The following MAN2C1 variants were observed in gnomAD, a reference collection of about 807,000 sequenced individuals.
The protein encoded by MAN2C1 is alpha-mannosidase 2C1.
In MAN2C1, 111 loss-of-function variants were observed where a neutral mutation model predicts 126.9. The observed-to-expected ratio is 0.87, with a 90% CI of 0.75 to 1.02. The LOEUF is 1.02. Ranked by LOEUF, MAN2C1 falls within the 50% of genes least tolerant of loss-of-function variation. The pLI is 0.00. For synonymous variants in MAN2C1, 567 were observed against 561.5 expected, an observed-to-expected ratio of 1.01 and a Z score of -0.14; for missense variants, 1,363 against 1,364.4, an observed-to-expected ratio of 1.00 and a Z score of 0.02.
At chr15:75,363,864 C>T (rs574737475) in intron 6 of MAN2C1, 135 bp downstream of exon 6, 16 of 955,088 alleles carry the variant, frequency 1.7e-5, no homozygotes, top group African/African-American at 3.3e-5. Context: ...CCCCCGGCCC[C>T]GTTTTACAGA....
In MAN2C1 at chr15:75,361,481, C is replaced by A. The variant is rs2141333067; in HGVS notation, c.1219-100G>T. ...GGTCCTGCCCCTGCCTGCTATGTGA[C>A]CCTGGCAGAGGCAGAGTGAGGGTTT... is the stretch of plus-strand genomic sequence containing the variant. On this transcript the variant is annotated intron_variant, in intron 10 of 25. Coordinates refer to ENST00000267978, the MANE Select transcript of MAN2C1 (RefSeq NM_006715.4). This position sits in a 1 kb window ranked among gnomAD's most constrained non-coding sequence, Gnocchi z 5.0. 1 of 1,271,468 alleles carries A rather than the reference C, an allele frequency of 7.9e-7. No individual in the cohort carries two copies. The highest frequency in any genetic ancestry group is 1.1e-6 in the Non-Finnish European group (1 of 872,076). 78.8% of individuals were successfully genotyped at this position (1,271,468 alleles called of 1,614,324 possible).
chr15:75,356,896 C>A lies in MAN2C1; in HGVS notation c.2554G>T (p.Ala852Ser). The A allele has an allele frequency of 6.2e-7, 1 of 1,613,848 alleles. No homozygotes were observed. Among genetic ancestry groups the A allele is most frequent in the African/African-American group, 1.3e-5 (1 of 75,066 alleles). The change falls in exon 22 of 26, where the codon GCC becomes TCC. Residue 852 changes from alanine (A) to serine (S), a missense_variant. Around this residue, in one of 3 missense-constraint regions of MAN2C1, gnomAD observed 668 missense variants for 650.1 expected, o/e 1.03. Transcript: ENST00000267978. The surrounding 1 kb of genome is among the most constrained non-coding windows in gnomAD (Gnocchi z 5.8). ...SWDWARFEVW[A>S]HRWMDLSEHG... Reference sequence around the variant, plus strand: ...TCTGACAGATCCATCCAGCGATGGGCCCACACCTGGAGGGCAGATCCAAGA... The same window carrying A: ...TCTGACAGATCCATCCAGCGATGGGACCACACCTGGAGGGCAGATCCAAGA...
At chr15:75,363,943 C>T in intron 6 of MAN2C1, 56 bp downstream of exon 6, 2 of 1,586,322 alleles carry the variant, frequency 1.3e-6, no homozygotes, top group Non-Finnish European at 8.6e-7. Context: ...AGGGCACATC[C>T]AGGTCTTCAA....
Position 75,361,044 on chromosome 15 carries a change from A to C in MAN2C1, c.1460+2T>G, listed in dbSNP as rs1595876881. The C allele has an allele frequency of 2.5e-6, 4 of 1,607,888 alleles. No individual in the cohort carries two copies. Among genetic ancestry groups the C allele is most frequent in the Non-Finnish European group, 3.4e-6 (4 of 1,177,656 alleles). ...TAAAGGAGAGCCAAGGCCTGGCCTG[A>C]CCTGGGCAGCCCATCCGTATTGCTC... On this transcript the variant is annotated splice_donor_variant, in intron 12 of 25. Coordinates refer to ENST00000267978, the MANE Select transcript of MAN2C1 (RefSeq NM_006715.4). LOFTEE classifies it high-confidence loss of function. This position sits in a 1 kb window ranked among gnomAD's most constrained non-coding sequence, Gnocchi z 5.0.
intron 12 of MAN2C1, 47 bp from the exon 13 acceptor site, chr15:75,360,735 G>C: frequency 6.2e-7 from 1 of 1,601,552 alleles, no homozygotes; most frequent in African/African-American, 1.3e-5. Context: ...AGACCACATG[G>C]CTCACCCTTC....
chr15:75,366,487 T>A, intron 4 of MAN2C1, 35 bp downstream of exon 4: 1 of 1,596,278 alleles, frequency 6.3e-7, no homozygotes, highest in South Asian at 1.1e-5. Flanking sequence ...ACTCCCTCCC[T>A]GACAGCACTG....
Position 75,362,588 on chromosome 15 carries a change from G to T in MAN2C1, c.897+54C>A. On this transcript the variant is annotated intron_variant, in intron 7 of 25. Transcript: ENST00000267978. The surrounding 1 kb of genome is among the most constrained non-coding windows in gnomAD (Gnocchi z 4.5). Reference sequence around the variant, plus strand: ...GCCTGGGAAGCCTTCAGGGCCTGTGGAGCTCCAGGGAGGGCCACGTGCTTC... The same window carrying T: ...GCCTGGGAAGCCTTCAGGGCCTGTGTAGCTCCAGGGAGGGCCACGTGCTTC... 1.9e-6 allele frequency: 3 copies of T among 1,585,664 alleles called. No individual in the cohort carries two copies. In the Admixed American group the frequency reaches 5.1e-5, roughly 27 times the overall value.
At chr15:75,368,420 C>A in intron 1 of MAN2C1, 63 bp downstream of exon 1, 1 of 1,508,384 alleles carries the variant, frequency 6.6e-7, no homozygotes, top group Non-Finnish European at 9.0e-7. Flanking sequence ...AGGTTTCTCC[C>A]CGGAAGGAAA....
chr15:75,359,564 T>C, intron 16 of MAN2C1, 56 bp downstream of exon 16: 4 of 1,599,492 alleles, frequency 2.5e-6, no homozygotes, highest in Non-Finnish European at 3.4e-6. Context: ...CCAGGCCTGA[T>C]CTGTCTGGCC....
rs2072385106 is a variant in MAN2C1 at position 75,358,412 on chromosome 15, C to G, written c.2403+50G>C. ...ACACCAAGGCCTGGGGCTGGCCCCT[C>G]CTTACCAAGCACACTTGGGGAAAAC... On this transcript the variant is annotated intron_variant, in intron 20 of 25. Coordinates refer to ENST00000267978, the MANE Select transcript of MAN2C1 (RefSeq NM_006715.4). 3.1e-6 allele frequency: 5 copies of G among 1,612,954 alleles called. No individual in the cohort carries two copies. The African/African-American group carries it at 5.3e-5, about 17-fold the overall frequency.
chr15:75,367,392 A>T, intron 3 of MAN2C1, 119 bp downstream of exon 3: 2 of 1,347,862 alleles, frequency 1.5e-6, no homozygotes, highest in Non-Finnish European at 2.0e-6. Flanking sequence ...TGAAATCCTG[A>T]TACCACCCTG....
At chr15:75,359,581 C>T in intron 16 of MAN2C1, 39 bp downstream of exon 16, 1 of 1,608,296 alleles carries the variant, frequency 6.2e-7, no homozygotes, top group Non-Finnish European at 8.5e-7. Context: ...GGCCTCCATC[C>T]TTCCTGCTGC....
chr15:75,367,985 A>T, intron 2 of MAN2C1, 88 bp downstream of exon 2: 1 of 1,461,502 alleles, frequency 6.8e-7, no homozygotes, highest in Non-Finnish European at 9.2e-7. Context: ...TGTCTACGGC[A>T]GAGGGCAGAC....
rs564549441 is a variant in MAN2C1, at chr15:75,364,991, T to G, written c.423-326A>C. 3.3e-5 allele frequency among the ~76,000 whole-genome samples: 5 copies of G among 152,368 alleles called. No homozygotes were observed. The South Asian group carries it at 1.0e-3, about 32-fold the overall frequency. The stretch of plus-strand genomic sequence containing the variant: ...GAACCCTCTTTGCATATTAAAATCA[T>G]GTTCGGATCTCCCAGGCTCAAACTT... On this transcript the variant is annotated intron_variant, in intron 4 of 25. Coordinates refer to ENST00000267978, the MANE Select transcript of MAN2C1 (RefSeq NM_006715.4).
rs2072448261 is a variant in MAN2C1 at position 75,360,661 on chromosome 15, G to C, written c.1488C>G (p.Leu496=). The change falls in exon 13 of 26, where the codon CTC becomes CTG. Residue 496 remains leucine, a synonymous_variant. Transcript: ENST00000267978. ...CTGAGTCACTCTCCAGTGCTGAGAA[G>C]AGCTGTCTTGGAGAAGATAGCTGCA... ...PRVQLSSPRQ[L]FSALESDSEQ... is the part of the protein sequence containing the mutation. 1 of 1,613,708 alleles carries C rather than the reference G, an allele frequency of 6.2e-7. No individual in the cohort carries two copies. The highest frequency in any genetic ancestry group is 8.5e-7 in the Non-Finnish European group (1 of 1,179,998).
At chr15:75,365,948 G>T (rs116617743) in intron 4 of MAN2C1, 1 of 432,284 alleles carries the variant, frequency 2.3e-6, no homozygotes. Flanking sequence ...ATAGCTGGAC[G>T]TGGTGGCACA....
At position 75,360,141 on chromosome 15, in the gene MAN2C1, G is replaced by C; in HGVS notation, c.1655C>G (p.Ala552Gly). 1 of 1,613,692 alleles carries C rather than the reference G, an allele frequency of 6.2e-7. No homozygotes were observed. The highest frequency in any genetic ancestry group is 8.5e-7 in the Non-Finnish European group (1 of 1,180,008). The change falls in exon 14 of 26, where the codon GCC becomes GGC. Residue 552 changes from alanine (A) to glycine (G), a missense_variant. Around this residue, in one of 3 missense-constraint regions of MAN2C1, gnomAD observed 668 missense variants for 650.1 expected, o/e 1.03. Coordinates refer to ENST00000267978, the MANE Select transcript of MAN2C1 (RefSeq NM_006715.4). ...TGGGTATAGGAACTGGGCACTGCGG[G>C]CCAGGGCCAGGCTACTGAGCAGCTC... ...DVELLSSLALARSAQFLYPAA... is the reference protein window; with the variant it reads ...DVELLSSLALGRSAQFLYPAA...
rs2072485021 is a variant in MAN2C1 at position 75,362,266 on chromosome 15, A to C, written c.1008+77T>G. 3.7e-6 allele frequency: 5 copies of C among 1,340,582 alleles called. No individual in the cohort carries two copies. 83.0% of individuals were successfully genotyped at this position (1,340,582 alleles called of 1,614,324 possible). ...AGTGGCCCGTGGAAACTCACCAGCA[A>C]AGCCGGGAGGGCGGGGCTACCTGAG... On this transcript the variant is annotated intron_variant, in intron 8 of 25. Coordinates refer to ENST00000267978, the MANE Select transcript of MAN2C1 (RefSeq NM_006715.4). This position sits in a 1 kb window ranked among gnomAD's most constrained non-coding sequence, Gnocchi z 4.5.
At position 75,361,104 on chromosome 15, in the gene MAN2C1, G is replaced by C; in HGVS notation, c.1402C>G (p.Pro468Ala). Reference protein sequence around the residue: ...LFGFGDGGGGPTQTMLDRLKR... With the variant: ...LFGFGDGGGGATQTMLDRLKR... ...AGGCGGTCCAGCATGGTCTGGGTGG[G>C]GCCACCACCCCCATCCCCAAAGCCA... Residue 468 changes from proline to alanine, a missense_variant, in exon 12 of 26, where the codon CCC (proline) becomes GCC (alanine). Pro to Ala is a conservative substitution (Grantham distance 27). Coordinates refer to ENST00000267978, the MANE Select transcript of MAN2C1 (RefSeq NM_006715.4). The surrounding 1 kb of genome is among the most constrained non-coding windows in gnomAD (Gnocchi z 5.0). 6.2e-7 allele frequency: 1 copy of C among 1,612,816 alleles called. No homozygotes were observed. The highest frequency in any genetic ancestry group is 1.3e-5 in the African/African-American group (1 of 75,054).
Sources: allele counts gnomAD v4.1 joint callset (sites outside exome capture counted in the v4.1 genomes callset), GRCh38; gene constraint gnomAD v4.1.1; regional missense constraint gnomAD v4.1.1; non-coding constraint Gnocchi (gnomAD v3.1); transcripts MANE v1.5; gene names NCBI Gene and HGNC (gene_info 2026-07-23, HGNC 2026-07-21).